The following CNTN4 variants were observed in gnomAD, a reference collection of about 807,000 sequenced individuals.
CNTN4 encodes contactin 4, also known as contactin-4.
In CNTN4, 77 loss-of-function variants were observed where a neutral mutation model predicts 122.5. The observed-to-expected ratio is 0.63, with a 90% CI of 0.52 to 0.76. The LOEUF (loss-of-function observed/expected upper bound fraction) is 0.76, where lower values mean the gene tolerates loss of function less well. Among genes scored for constraint, CNTN4 ranks in the 30% least tolerant of loss-of-function variants. The pLI is 0.00. For missense variants in CNTN4, 1,256 were observed against 1,259.1 expected, an observed-to-expected ratio of 1.00 and a Z score of 0.04; for synonymous variants, 512 against 447.0, an observed-to-expected ratio of 1.15 and a Z score of -1.83.
intron 3 of CNTN4, among the ~76,000 whole-genome samples, chr3:2,545,894 A>G (rs2078224279): frequency 1.3e-5 from 2 of 152,056 alleles, no homozygotes; most frequent in South Asian, 4.1e-4. Flanking sequence ...TACAGTATGC[A>G]GCTAACAACC....
chr3:2,125,257 C>G (rs1207617144), intron 2 of CNTN4, among the ~76,000 whole-genome samples: 1 of 151,876 alleles, frequency 6.6e-6, no homozygotes, highest in African/African-American at 2.4e-5. Flanking sequence ...AGCATACTGT[C>G]TTCCAGGTAC....
intron 2 of CNTN4, among the ~76,000 whole-genome samples, chr3:2,243,359 C>T (rs1023400237): frequency 7.9e-5 from 12 of 152,082 alleles, no homozygotes; most frequent in Non-Finnish European, 8.8e-5. Flanking sequence ...AGAAGTGGAA[C>T]CTTAATATCC....
chr3:2,374,006 G>T (rs1030033261), intron 3 of CNTN4, among the ~76,000 whole-genome samples: 1 of 152,096 alleles, frequency 6.6e-6, no homozygotes, highest in African/African-American at 2.4e-5. Flanking sequence ...CAATAATAAT[G>T]ATTTCTTTGT....
At chr3:3,032,939 T>C (rs2125690961) in intron 16 of CNTN4, among the ~76,000 whole-genome samples, 1 of 151,978 alleles carries the variant, frequency 6.6e-6, no homozygotes, top group East Asian at 1.9e-4. Context: ...GGCAGGAAGA[T>C]AAAAAAAAGA....
At chr3:2,783,765 C>T (rs1473955021) in intron 6 of CNTN4, among the ~76,000 whole-genome samples, 2 of 152,130 alleles carry the variant, frequency 1.3e-5, no homozygotes, top group Non-Finnish European at 2.9e-5. Context: ...AAGACGAATC[C>T]ATTTTCGGCA....
At chr3:2,111,557 G>A (rs573509054) in intron 2 of CNTN4, among the ~76,000 whole-genome samples, 113 of 152,196 alleles carry the variant, frequency 7.4e-4, no homozygotes, top group African/African-American at 2.5e-3. Context: ...TTTATGTGAT[G>A]TATAGGAAAG....
At chr3:2,725,330 G>A (rs9869376) in intron 4 of CNTN4, among the ~76,000 whole-genome samples, 19,222 of 152,026 alleles carry the variant, frequency 0.13, 1,570 homozygotes, top group East Asian at 0.43. Flanking sequence ...CCTGCACCCC[G>A]TCCCCAAATC....
Position 2,463,189 on chromosome 3 carries a change from T to A in CNTN4, c.-88-108227T>A, listed in dbSNP as rs73806609. On this transcript the variant is annotated intron_variant, in intron 3 of 24. Coordinates refer to ENST00000418658, the MANE Select transcript of CNTN4 (RefSeq NM_175607.3). ...ATATAAATGAAATAGAAGGCTGTTA[T>A]CTACTAAATGGGCTTTTTAAAAAAA... Among the ~76,000 whole-genome samples the A allele has an allele frequency of 3.3e-3, 508 of 152,118 alleles. 3 individuals carry two copies. Among genetic ancestry groups the A allele is most frequent in the African/African-American group, 0.011 (452 of 41,492 alleles).
chr3:2,311,557 C>A (rs1265638075), intron 2 of CNTN4, among the ~76,000 whole-genome samples: 1 of 152,006 alleles, frequency 6.6e-6, no homozygotes. Flanking sequence ...TTGAAGCATT[C>A]TTGACAGAGA....
At chr3:2,729,534 A>T (rs1180162844) in intron 4 of CNTN4, among the ~76,000 whole-genome samples, 1 of 113,200 alleles carries the variant, frequency 8.8e-6, no homozygotes, top group East Asian at 2.4e-4. Flanking sequence ...ACAGAGTGAG[A>T]CTCCATCTCA....
At chr3:2,599,125 T>G (rs889394443) in intron 4 of CNTN4, among the ~76,000 whole-genome samples, 1 of 152,148 alleles carries the variant, frequency 6.6e-6, no homozygotes, top group South Asian at 2.1e-4. Context: ...TGTATGTTGT[T>G]TATTTCAGAG....
chr3:2,362,136 T>C (rs1266812402), intron 3 of CNTN4: 1 of 155,698 alleles, frequency 6.4e-6, no homozygotes, highest in Non-Finnish European at 1.4e-5. Context: ...GTGCAGCAGT[T>C]AAGGAGAGTG....
intron 10 of CNTN4, among the ~76,000 whole-genome samples, chr3:2,887,997 T>C (rs2093997856): frequency 1.3e-5 from 2 of 152,222 alleles, no homozygotes; most frequent in Non-Finnish European, 2.9e-5. Context: ...AGATTGATAA[T>C]TATTTAAGAA....
intron 2 of CNTN4, among the ~76,000 whole-genome samples, chr3:2,252,616 G>A (rs1480816264): frequency 6.6e-6 from 1 of 151,992 alleles, no homozygotes; most frequent in Admixed American, 6.6e-5. Context: ...GTCCTGTCTG[G>A]GGGAGATAAA....
intron 12 of CNTN4, among the ~76,000 whole-genome samples, chr3:2,906,289 A>G (rs2094231249): frequency 6.6e-6 from 1 of 152,212 alleles, no homozygotes; most frequent in Admixed American, 6.5e-5. Context: ...ATTATAGTTA[A>G]TAACAAGATA....
chr3:2,169,063 T>C (rs1478725116), intron 2 of CNTN4, among the ~76,000 whole-genome samples: 1 of 152,184 alleles, frequency 6.6e-6, no homozygotes, highest in Non-Finnish European at 1.5e-5. Context: ...ACACTTTCTA[T>C]CTTATTTAAA....
chr3:2,742,680 A>T (rs2089524846), intron 5 of CNTN4, among the ~76,000 whole-genome samples: 1 of 152,134 alleles, frequency 6.6e-6, no homozygotes, highest in Admixed American at 6.5e-5. Flanking sequence ...TGGTTCCTCA[A>T]ATGATTCAGA....
rs1701524632 is a variant in CNTN4, at chr3:3,053,899, T to C, written c.2904T>C (p.Tyr968=). 5 of 1,614,200 alleles carry C rather than the reference T, an allele frequency of 3.1e-6. No individual in the cohort carries two copies. The highest frequency in any genetic ancestry group is 4.2e-6 in the Non-Finnish European group (5 of 1,180,006). Residue 968 remains tyrosine (Y), a synonymous_variant, in exon 24 of 25, where the codon TAT becomes TAC. Coordinates refer to ENST00000418658, the MANE Select transcript of CNTN4 (RefSeq NM_175607.3). The stretch of plus-strand genomic sequence containing the variant: ...TTTCTTTGCCTTTCGATGAAGATTA[T>C]ATAATAGAAATTAAGCCATTCAGCG... ...VELSLPFDED[Y]IIEIKPFSDG... is the part of the protein sequence containing the mutation.
At chr3:2,589,724 A>G (rs1217860904) in intron 4 of CNTN4, among the ~76,000 whole-genome samples, 3 of 152,220 alleles carry the variant, frequency 2.0e-5, no homozygotes, top group Admixed American at 6.5e-5. Flanking sequence ...GACTGCGGCT[A>G]GAGCACCCAC....
Sources: allele counts gnomAD v4.1 joint callset (sites outside exome capture counted in the v4.1 genomes callset), GRCh38; gene constraint gnomAD v4.1.1; transcripts MANE v1.5; gene names NCBI Gene and HGNC (gene_info 2026-07-23, HGNC 2026-07-21).